Variants in ZNF37A observed in about 807,000 individuals in gnomAD.
ZNF37A encodes zinc finger protein 37A.
In ZNF37A, 10 loss-of-function variants were observed where a neutral mutation model predicts 12.3. That is an observed-to-expected ratio of 0.82 (90% CI 0.50 to 1.38). The LOEUF (loss-of-function observed/expected upper bound fraction) is 1.38, where lower values mean the gene tolerates loss of function less well. ZNF37A is among the 40% of genes most tolerant of loss of function. The pLI is 0.00. For synonymous variants in ZNF37A, 207 were observed against 223.0 expected (o/e 0.93, Z 0.64); for missense variants, 580 against 651.2 (o/e 0.89, Z 1.19).
At chr10:38,133,416 T>C (rs1159233068) in intron 7 of ZNF37A, among the ~76,000 whole-genome samples, 1 of 152,076 alleles carries the variant, frequency 6.6e-6, no homozygotes, top group Admixed American at 6.5e-5. Flanking sequence ...GCTGCACCCA[T>C]TGACTCATCA....
intron 7 of ZNF37A, among the ~76,000 whole-genome samples, chr10:38,116,171 A>G (rs1040592231): frequency 2.6e-5 from 4 of 152,224 alleles, no homozygotes; most frequent in African/African-American, 9.6e-5. Context: ...TCTCCGGATA[A>G]TACTGATAAA....
At chr10:38,147,268 C>T (rs2070266807) in exon 8 of ZNF37A, 1 of 152,100 alleles carries the variant, frequency 6.6e-6, no homozygotes. Context: ...GGGCCTGTTC[C>T]CAGCAAATTT....
chr10:38,127,637 T>C (rs2069947859), downstream of ZNF37A, among the ~76,000 whole-genome samples: 2 of 152,256 alleles, frequency 1.3e-5, no homozygotes, highest in South Asian at 2.1e-4. Flanking sequence ...TCCTCCTACA[T>C]CTGTCTCTGG....
intron 5 of ZNF37A, among the ~76,000 whole-genome samples, chr10:38,101,708 C>T (rs2067587600): frequency 6.6e-6 from 1 of 151,664 alleles, no homozygotes; most frequent in Admixed American, 6.6e-5. Context: ...TCTGTCATTT[C>T]AATTTCAGCC....
chr10:38,135,744 G>A (rs1453150133), intron 7 of ZNF37A, among the ~76,000 whole-genome samples: 2 of 152,192 alleles, frequency 1.3e-5, no homozygotes, highest in East Asian at 1.9e-4. Context: ...GGCGGCAGGG[G>A]AGAGAATGAC....
rs1051433050 is a variant in ZNF37A at position 38,094,979 on chromosome 10, G to A, written c.-443G>A. ...CTTCGGGAAGTATTTTGAAGTCATC[G>A]TGGCTGTGGATTGGGGAATTTCTTG... On this transcript the variant is annotated 5_prime_UTR_variant, in exon 2 of 8. In the 5' UTR this introduces an upstream ATG that the reference lacks. Transcript: ENST00000685332. 2.0e-5 allele frequency: 3 copies of A among 152,442 alleles called. No individual in the cohort carries two copies. The highest frequency in any genetic ancestry group is 7.2e-5 in the African/African-American group (3 of 41,478). 9.4% of individuals were successfully genotyped at this position (152,442 alleles called of 1,614,324 possible).
chr10:38,115,114 T>TGTGC lies in ZNF37A; in HGVS notation c.143-79_143-78insGCGT. 3 of 1,094,960 alleles carry TGTGC rather than the reference T, an allele frequency of 2.7e-6. No individual in the cohort carries two copies. In the South Asian group the frequency reaches 4.4e-5, roughly 16 times the overall value. 67.8% of individuals were successfully genotyped at this position (1,094,960 alleles called of 1,614,324 possible). A position where few individuals can be genotyped will look rare whatever the true frequency, so the allele number is the denominator to read the frequency against. On this transcript the variant is annotated intron_variant, in intron 6 of 7. Transcript: ENST00000685332. ...GTGTGTGTGTGTGTGTGTGTGTGTG[T>TGTGC]GTACTGTTTGGGGTATACTGTCTTC...
intron 5 of ZNF37A, among the ~76,000 whole-genome samples, chr10:38,111,928 T>C (rs2068700466): frequency 6.6e-6 from 1 of 151,510 alleles, no homozygotes; most frequent in African/African-American, 2.4e-5. Context: ...TTTTTTTTTT[T>C]GAGACGGAGT....
rs2069477076 is a variant in ZNF37A, at chr10:38,118,494, TCTG to T, written c.1346_1348del (p.Cys449del). 1 of 1,613,948 alleles carries T rather than the reference TCTG, an allele frequency of 6.2e-7. No homozygotes were observed. The highest frequency in any genetic ancestry group is 8.5e-7 in the Non-Finnish European group (1 of 1,180,024). On this transcript the variant is annotated inframe_deletion, in exon 8 of 8. Coordinates refer to ENST00000685332, the MANE Select transcript of ZNF37A (RefSeq NM_001324250.3). ...GAATGTATTCAGTGTGGAAAATTTT[TCTG>T]CTACTACTCCGGTTTCACAGAACAT...
chr10:38,107,587 C>T (rs2068221496), intron 5 of ZNF37A, among the ~76,000 whole-genome samples: 1 of 152,176 alleles, frequency 6.6e-6, no homozygotes. Flanking sequence ...CAACATCCAT[C>T]AGTGTGCTGT....
Position 38,122,348 on chromosome 10 carries a change from T to G in ZNF37A, c.*3511T>G, listed in dbSNP as rs2069749709. 6.6e-6 allele frequency: 1 copy of G among 152,092 alleles called. No homozygotes were observed. The allele number at this position is 152,092 out of a possible 1,614,324, so 9.4% of individuals were successfully genotyped here. On this transcript the variant is annotated 3_prime_UTR_variant, in exon 8 of 8. Transcript: ENST00000685332. ...GAAATAGAAAACACAATCCTAAAAT[T>G]TATATGGGAACCACAAAAGACTTAG...
At chr10:38,112,738 T>TCTTGGTCTTGGTCTCGGTCTCGGTCTCGG in intron 5 of ZNF37A, among the ~76,000 whole-genome samples, 1 of 58,910 alleles carries the variant, frequency 1.7e-5, no homozygotes, top group African/African-American at 6.3e-5. Flanking sequence ...CCATTTTCTT[T>TCTTGGTCTTGGTCTCGGTCTCGGTCTCGG]TCTTTTCTTT....
intron 5 of ZNF37A, among the ~76,000 whole-genome samples, chr10:38,112,801 T>TC (rs879590645): frequency 0.07 from 4,775 of 68,670 alleles, 778 homozygotes; most frequent in African/African-American, 0.097. Flanking sequence ...TTTTCTTGTC[T>TC]TGTCTTGTCT....
rs2069527683 is a variant in ZNF37A, at chr10:38,119,037, G to A, written c.*200G>A. On this transcript the variant is annotated 3_prime_UTR_variant, in exon 8 of 8. Transcript: ENST00000685332. ...CATACACTATGTTACAAAACTAAAA[G>A]TGGAAAAAACTTATTGGTGAATGAA... The A allele has an allele frequency of 7.9e-7, 1 of 1,261,588 alleles. No homozygotes were observed. Among genetic ancestry groups the A allele is most frequent in the Non-Finnish European group, 1.0e-6 (1 of 1,003,664 alleles). The allele number at this position is 1,261,588 out of a possible 1,614,324, so 78.1% of individuals were successfully genotyped here.
chr10:38,103,521 T>A, intron 5 of ZNF37A, among the ~76,000 whole-genome samples: 1 of 152,204 alleles, frequency 6.6e-6, no homozygotes, highest in East Asian at 1.9e-4. Context: ...CTTTATCTAG[T>A]AAGACCAGTA....
downstream of ZNF37A, among the ~76,000 whole-genome samples, chr10:38,127,688 A>T (rs1367765056): frequency 6.6e-6 from 1 of 152,176 alleles, no homozygotes. Flanking sequence ...AGCTTCTCTA[A>T]CATACCAAGC....
chr10:38,106,917 G>A (rs2068149181), intron 5 of ZNF37A, among the ~76,000 whole-genome samples: 1 of 152,176 alleles, frequency 6.6e-6, no homozygotes, highest in Non-Finnish European at 1.5e-5. Context: ...ATGGAACCAA[G>A]CTGGAAAACA....
chr10:38,130,070 T>C (rs2069999728), downstream of ZNF37A, among the ~76,000 whole-genome samples: 1 of 152,244 alleles, frequency 6.6e-6, no homozygotes, highest in Non-Finnish European at 1.5e-5. Flanking sequence ...ACTTCTATTC[T>C]ACTTTCTGTC....
Position 38,118,198 on chromosome 10 carries a change from C to T in ZNF37A, c.1047C>T (p.His349=). 1 of 1,613,992 alleles carries T rather than the reference C, an allele frequency of 6.2e-7. No individual in the cohort carries two copies. Among genetic ancestry groups the T allele is most frequent in the Non-Finnish European group, 8.5e-7 (1 of 1,179,956 alleles). Reference sequence around the variant, plus strand: ...CCCTTACTCAACATCAAAGAACGCACACAGGGGAGAAACCATATGAATGTC... The same window carrying T: ...CCCTTACTCAACATCAAAGAACGCATACAGGGGAGAAACCATATGAATGTC... ...KSTLTQHQRT[H]TGEKPYECHE... is the part of the protein sequence containing the mutation. The change falls in exon 8 of 8, where the codon CAC becomes CAT. Residue 349 remains histidine (H), a synonymous_variant. Transcript: ENST00000685332.
Sources: gnomAD v4.1 joint callset for allele counts (sites outside exome capture counted in the v4.1 genomes callset) on GRCh38, gnomAD v4.1.1 for gene constraint, MANE v1.5 for transcripts, NCBI Gene and HGNC (gene_info 2026-07-23, HGNC 2026-07-21) for gene names.